The following RASAL1 variants were observed in gnomAD, a reference collection of about 807,000 sequenced individuals.
The protein encoded by RASAL1 is rasGAP-activating-like protein 1.
Under a neutral mutation model 96.6 loss-of-function variants are expected in RASAL1, and 72 were observed. That is an observed-to-expected ratio of 0.75 (90% CI 0.62 to 0.91). The LOEUF is 0.91. Ranked by LOEUF, RASAL1 falls within the 40% of genes least tolerant of loss-of-function variation. RASAL1 has a pLI of 0.00. For missense variants in RASAL1, 1,016 were observed against 1,072.5 expected (o/e 0.95, Z 0.74); for synonymous variants, 405 against 430.4 (o/e 0.94, Z 0.73).
In RASAL1 at chr12:113,104,148, G is replaced by A. The variant is rs1461297014; in HGVS notation, c.1968+13C>T. ...AGGGACGCCCCCCGCTCCCCATCGC[G>A]GTGGGGTCTCACCTTGCACTGGAGG... On this transcript the variant is annotated intron_variant, in intron 17 of 20. Coordinates refer to ENST00000548055, the MANE Select transcript of RASAL1 (RefSeq NM_001301202.2). 1 of 1,597,926 alleles carries A rather than the reference G, an allele frequency of 6.3e-7. No individual in the cohort carries two copies. Among genetic ancestry groups the A allele is most frequent in the Middle Eastern group, 1.7e-4 (1 of 6,020 alleles).
At chr12:113,109,043 GTTT>G (rs10603536) in intron 13 of RASAL1, among the ~76,000 whole-genome samples, 1,365 of 134,224 alleles carry the variant, frequency 0.01, 19 homozygotes, top group East Asian at 0.026. Context: ...TTTTGTGTGT[GTTT>G]TTTTTTTTTT....
intron 20 of RASAL1, 139 bp downstream of exon 20, chr12:113,100,489 G>A: frequency 1.5e-6 from 1 of 680,766 alleles, no homozygotes; most frequent in East Asian, 3.2e-5. Context: ...AGTAGAGACA[G>A]GGTTTCACCA....
chr12:113,114,177 A>T (rs1950974261), intron 12 of RASAL1, among the ~76,000 whole-genome samples: 1 of 152,180 alleles, frequency 6.6e-6, no homozygotes. Flanking sequence ...TTTTAATTTT[A>T]AAAAATCTGA....
At chr12:113,121,146 C>T (rs1488631575) in intron 5 of RASAL1, among the ~76,000 whole-genome samples, 41 of 152,174 alleles carry the variant, frequency 2.7e-4, no homozygotes. Flanking sequence ...AACACCTGGA[C>T]CCAGCCATGC....
intron 15 of RASAL1, among the ~76,000 whole-genome samples, chr12:113,106,806 T>G (rs1310809272): frequency 2.0e-5 from 3 of 152,240 alleles, no homozygotes; most frequent in Non-Finnish European, 2.9e-5. Flanking sequence ...CACCTAGAAC[T>G]GTGCCTGTTA....
intron 20 of RASAL1, 147 bp from the exon 21 acceptor site, chr12:113,100,215 C>A (rs1353830721): frequency 4.1e-6 from 4 of 964,608 alleles, no homozygotes; most frequent in Admixed American, 5.8e-5. Flanking sequence ...AGCCCTGTGG[C>A]CTGATAATGG....
Position 113,127,857 on chromosome 12 carries a change from CGAT to C in RASAL1, c.250_252del (p.Ile84del), listed in dbSNP as rs752039124. The C allele has an allele frequency of 5.0e-6, 8 of 1,613,250 alleles. No homozygotes were observed. In the African/African-American group the frequency reaches 1.1e-4, roughly 22 times the overall value. On this transcript the variant is annotated inframe_deletion, in exon 4 of 21. Transcript: ENST00000548055. ...GCCTCCCTGCTCAGCGAGATCTTGCCGATGATGTCGTCGTGCCTGCAGGAAGGC... is the reference window on the plus strand; with the variant it reads ...GCCTCCCTGCTCAGCGAGATCTTGCCGATGTCGTCGTGCCTGCAGGAAGGC...
chr12:113,115,204 A>G lies in RASAL1; in HGVS notation c.1064T>C (p.Met355Thr). 3.7e-6 allele frequency: 6 copies of G among 1,613,440 alleles called. No individual in the cohort carries two copies. Among genetic ancestry groups the G allele is most frequent in the Non-Finnish European group, 4.2e-6 (5 of 1,179,340 alleles). The change falls in exon 11 of 21, where the codon ATG becomes ACG. Residue 355 changes from methionine to threonine, a missense_variant. Physicochemically the swap from Met to Thr is moderately conservative, Grantham distance 81. Transcript: ENST00000548055. This position sits in a 1 kb window ranked among gnomAD's most constrained non-coding sequence, Gnocchi z 4.1. ...CGCAGGCCTTCACCTACTCACCTTC[A>G]TAAACTGTTCCATCGACTTGGATGC... ...SLASKSMEQFMKLVGMPYLHE... is the reference protein window; with the variant it reads ...SLASKSMEQFTKLVGMPYLHE...
chr12:113,135,814 A>G (rs1951894543), upstream of RASAL1: 1 of 211,148 alleles, frequency 4.7e-6, no homozygotes, highest in Non-Finnish European at 9.5e-6. This position sits in a 1 kb window ranked among gnomAD's most constrained non-coding sequence, Gnocchi z 5.7. Flanking sequence ...CCCGCCTCCA[A>G]TGGGGTCCCC....
chr12:113,125,426 G>C (rs1951445653), intron 4 of RASAL1, among the ~76,000 whole-genome samples: 1 of 152,144 alleles, frequency 6.6e-6, no homozygotes, highest in East Asian at 1.9e-4. Flanking sequence ...AACCTAGTGG[G>C]GGGAAATTCA....
chr12:113,118,993 G>A (rs999753652), intron 7 of RASAL1, 135 bp downstream of exon 7: 6 of 1,138,682 alleles, frequency 5.3e-6, no homozygotes, highest in Non-Finnish European at 7.4e-6. Context: ...CAACACTCAG[G>A]CCTAACCAGG....
At chr12:113,112,386 C>A in intron 12 of RASAL1, 108 bp from the exon 13 acceptor site, 1 of 849,994 alleles carries the variant, frequency 1.2e-6, no homozygotes, top group Non-Finnish European at 1.6e-6. Context: ...CCTCCACGTC[C>A]GCAGCCTCCT....
At chr12:113,126,940 T>TTTTTATATAATTA (rs1951503331) in intron 4 of RASAL1, among the ~76,000 whole-genome samples, 1 of 148,880 alleles carries the variant, frequency 6.7e-6, no homozygotes, top group Admixed American at 6.7e-5. Flanking sequence ...CAGAATAATA[T>TTTTTATATAATTA]TTATATATAA....
intron 7 of RASAL1, 111 bp downstream of exon 7, chr12:113,119,017 G>A: frequency 7.5e-7 from 1 of 1,334,330 alleles, no homozygotes; most frequent in Non-Finnish European, 1.0e-6. Context: ...ACCTGATGAG[G>A]CAGCTGTACA....
Position 113,115,906 on chromosome 12 carries a change from G to A in RASAL1, c.849+28C>T. ...GGATCCAGACCCCCGGCACCCGCCT[G>A]ATAGCATTGCTTGCCTGACGCACCC... On this transcript the variant is annotated intron_variant, in intron 9 of 20. Coordinates refer to ENST00000548055, the MANE Select transcript of RASAL1 (RefSeq NM_001301202.2). This position sits in a 1 kb window ranked among gnomAD's most constrained non-coding sequence, Gnocchi z 4.1. The A allele has an allele frequency of 6.3e-7, 1 of 1,583,760 alleles. No homozygotes were observed. Among genetic ancestry groups the A allele is most frequent in the South Asian group, 1.2e-5 (1 of 86,654 alleles).
Position 113,100,612 on chromosome 12 carries a change from G to A in RASAL1, c.2278+16C>T, listed in dbSNP as rs369971530. On this transcript the variant is annotated intron_variant, in intron 20 of 20. Coordinates refer to ENST00000548055, the MANE Select transcript of RASAL1 (RefSeq NM_001301202.2). ...CTGCACCCAGCCTTTACCTTCTGAG[G>A]TACAGGAGCCCTTACCTGTGTCTGC... is the stretch of plus-strand genomic sequence containing the variant. 17 of 1,602,194 alleles carry A rather than the reference G, an allele frequency of 1.1e-5. No individual in the cohort carries two copies. Among genetic ancestry groups the A allele is most frequent in the Non-Finnish European group, 1.5e-5 (17 of 1,170,146 alleles).
intron 12 of RASAL1, among the ~76,000 whole-genome samples, chr12:113,113,118 T>C (rs950565002): frequency 9.8e-5 from 15 of 152,288 alleles, no homozygotes; most frequent in Admixed American, 8.5e-4. Flanking sequence ...AGAACAGCAC[T>C]TTTCCATCTG....
chr12:113,104,283 G>A lies in RASAL1; in HGVS notation c.1846C>T (p.Pro616Ser). Residue 616 changes from proline (P) to serine (S), a missense_variant, in exon 17 of 21, where the codon CCC becomes TCC. Transcript: ENST00000548055. ...TCCACGGCGCGGATGTGAGACACGG[G>A]GATGGAGTGACACATCTGGGGAAGA... is the stretch of plus-strand genomic sequence containing the variant. ...SPEWQMCHSI[P>S]VSHIRAVERV... is the part of the protein sequence containing the mutation. 1 of 1,573,744 alleles carries A rather than the reference G, an allele frequency of 6.4e-7. No individual in the cohort carries two copies. Among genetic ancestry groups the A allele is most frequent in the Non-Finnish European group, 8.6e-7 (1 of 1,159,634 alleles).
Position 113,115,133 on chromosome 12 carries a change from A to G in RASAL1, c.1068+67T>C, listed in dbSNP as rs1951026921. 3 of 1,474,080 alleles carry G rather than the reference A, an allele frequency of 2.0e-6. No homozygotes were observed. The African/African-American group carries it at 4.2e-5, about 21-fold the overall frequency. 91.3% of individuals were successfully genotyped at this position (1,474,080 alleles called of 1,614,324 possible). A position where few individuals can be genotyped will look rare whatever the true frequency, so the allele number is the denominator to read the frequency against. On this transcript the variant is annotated intron_variant, in intron 11 of 20. Coordinates refer to ENST00000548055, the MANE Select transcript of RASAL1 (RefSeq NM_001301202.2). This position sits in a 1 kb window ranked among gnomAD's most constrained non-coding sequence, Gnocchi z 4.1. ...CTGAAGCCAGCTAAGTGAGGGAGCC[A>G]GGTAGGCACTGGGAAGGAGGTACCC...
Sources: gnomAD v4.1 joint callset for allele counts (sites outside exome capture counted in the v4.1 genomes callset) on GRCh38, gnomAD v4.1.1 for gene constraint, Gnocchi (gnomAD v3.1) non-coding constraint, MANE v1.5 for transcripts, NCBI Gene and HGNC (gene_info 2026-07-23, HGNC 2026-07-21) for gene names.